The following RAB31 variants were observed in gnomAD, a reference collection of about 807,000 sequenced individuals.
The protein encoded by RAB31 is RAB31, member RAS oncogene family, also known as ras-related protein Rab-31.
Under a neutral mutation model 25.6 loss-of-function variants are expected in RAB31, and 21 were observed. The ratio of observed to expected loss-of-function variants is 0.82; its 90% CI spans 0.58 to 1.18. The LOEUF (loss-of-function observed/expected upper bound fraction) is 1.18. RAB31 is among the 50% of genes most tolerant of loss of function. The pLI is 0.00. For synonymous variants in RAB31, 87 were observed against 84.0 expected (o/e 1.04, Z -0.20); for missense variants, 196 against 250.1 (o/e 0.78, Z 1.46).
chr18:9,742,832 G>C (rs142011680), intron 1 of RAB31, among the ~76,000 whole-genome samples: 1 of 152,280 alleles, frequency 6.6e-6, no homozygotes, highest in African/African-American at 2.4e-5. Flanking sequence ...GAAAGCTCAC[G>C]GCAGCAAGTG....
At chr18:9,753,637 G>C (rs1368452695) in intron 1 of RAB31, among the ~76,000 whole-genome samples, 1 of 152,140 alleles carries the variant, frequency 6.6e-6, no homozygotes, top group African/African-American at 2.4e-5. Context: ...GGCCTCTCCT[G>C]GTCCAGTGTG....
rs561568947 is a variant in RAB31 at position 9,732,618 on chromosome 18, T to G, written c.39+24174T>G. 2.6e-5 allele frequency among the ~76,000 whole-genome samples: 4 copies of G among 152,320 alleles called. No individual in the cohort carries two copies. The South Asian group carries it at 8.3e-4, about 32-fold the overall frequency. On this transcript the variant is annotated intron_variant, in intron 1 of 6. Coordinates refer to ENST00000578921, the MANE Select transcript of RAB31 (RefSeq NM_006868.4). ...TCTCCAACCTCTCCCTAGTGCTTGG[T>G]GCTACTGCAAGGACTTCTTTTTCCT...
chr18:9,816,823 G>A (rs371955377), intron 5 of RAB31, among the ~76,000 whole-genome samples: 1 of 152,196 alleles, frequency 6.6e-6, no homozygotes, highest in African/African-American at 2.4e-5. Flanking sequence ...AGGAATTCTA[G>A]TCGTTGATTT....
chr18:9,806,982 C>G (rs1250811325), intron 3 of RAB31, among the ~76,000 whole-genome samples: 1 of 152,228 alleles, frequency 6.6e-6, no homozygotes, highest in Admixed American at 6.5e-5. Context: ...CAGGATCTCT[C>G]TGGTGGCTGT....
intron 5 of RAB31, among the ~76,000 whole-genome samples, chr18:9,843,319 C>T (rs1363027672): frequency 6.6e-6 from 1 of 151,988 alleles, no homozygotes. Flanking sequence ...CTGAGGCAGG[C>T]GGATTACTTG....
intron 3 of RAB31, among the ~76,000 whole-genome samples, chr18:9,810,671 T>A (rs2068565829): frequency 6.6e-6 from 1 of 152,242 alleles, no homozygotes; most frequent in South Asian, 2.1e-4. Flanking sequence ...GAGACCTCCA[T>A]GCCAGTGACC....
intron 5 of RAB31, among the ~76,000 whole-genome samples, chr18:9,844,317 A>T (rs1050438372): frequency 6.6e-5 from 10 of 152,114 alleles, no homozygotes; most frequent in African/African-American, 2.4e-4. Context: ...CATCCCCAGC[A>T]GTGCTGGGTG....
At chr18:9,773,030 C>G (rs994921061) in intron 1 of RAB31, among the ~76,000 whole-genome samples, 1 of 152,192 alleles carries the variant, frequency 6.6e-6, no homozygotes, top group Non-Finnish European at 1.5e-5. Flanking sequence ...GCCGTCACCT[C>G]TTTGAACTCT....
intron 1 of RAB31, among the ~76,000 whole-genome samples, chr18:9,736,920 G>GT (rs1443385321): frequency 2.0e-5 from 3 of 152,162 alleles, no homozygotes; most frequent in Non-Finnish European, 2.9e-5. Context: ...TTATTGGGTG[G>GT]TAGGGGCAAG....
intron 1 of RAB31, among the ~76,000 whole-genome samples, chr18:9,718,938 C>T (rs80075628): frequency 6.6e-6 from 1 of 151,968 alleles, no homozygotes; most frequent in Non-Finnish European, 1.5e-5. Flanking sequence ...TTGGGGATCA[C>T]AAATATTCAG....
intron 1 of RAB31, among the ~76,000 whole-genome samples, chr18:9,741,927 C>G (rs1263488968): frequency 6.6e-6 from 1 of 152,198 alleles, no homozygotes; most frequent in African/African-American, 2.4e-5. Flanking sequence ...CAGAGGGAGC[C>G]AGGAAATGTG....
chr18:9,857,074 G>C (rs2068819866), intron 6 of RAB31, among the ~76,000 whole-genome samples: 1 of 152,178 alleles, frequency 6.6e-6, no homozygotes, highest in Non-Finnish European at 1.5e-5. Flanking sequence ...GAAGTTTTTG[G>C]AGATGTCCTG....
At chr18:9,789,760 C>T (rs2068450939) in intron 2 of RAB31, among the ~76,000 whole-genome samples, 1 of 152,040 alleles carries the variant, frequency 6.6e-6, no homozygotes. Flanking sequence ...TAGGTCTCCC[C>T]GGTAGTCTGG....
chr18:9,826,331 G>A (rs1336466987), intron 5 of RAB31, among the ~76,000 whole-genome samples: 1 of 152,180 alleles, frequency 6.6e-6, no homozygotes, highest in East Asian at 1.9e-4. Context: ...AGCTGAGATC[G>A]CACCACTGCA....
intron 6 of RAB31, among the ~76,000 whole-genome samples, chr18:9,857,339 G>T (rs1270529327): frequency 2.0e-5 from 3 of 152,040 alleles, no homozygotes; most frequent in Non-Finnish European, 4.4e-5. Context: ...CCTCTGCTGG[G>T]GTGTTTTGGT....
chr18:9,809,949 C>T (rs549417104), intron 3 of RAB31, among the ~76,000 whole-genome samples: 2 of 152,204 alleles, frequency 1.3e-5, no homozygotes, highest in Admixed American at 6.5e-5. Context: ...GCTGAGCAGC[C>T]GGAGAAGCTC....
chr18:9,846,846 G>A (rs1474589899), intron 6 of RAB31, among the ~76,000 whole-genome samples: 2 of 152,222 alleles, frequency 1.3e-5, no homozygotes, highest in Admixed American at 1.3e-4. Flanking sequence ...CCTACACTAT[G>A]CAGAGATATG....
chr18:9,784,661 T>G lies in RAB31; in HGVS notation c.120-7493T>G, dbSNP rs563708625. ...TCTGACTCCTAGGCTCAAGTGATTC[T>G]CCTGCCTCAGTCCCCGACGTAGCTG... On this transcript the variant is annotated intron_variant, in intron 2 of 6. Transcript: ENST00000578921. 6.8e-4 allele frequency among the ~76,000 whole-genome samples: 104 copies of G among 151,924 alleles called. 1 individual carries two copies. The highest frequency in any genetic ancestry group is 2.3e-3 in the African/African-American group (96 of 41,398).
intron 2 of RAB31, among the ~76,000 whole-genome samples, chr18:9,778,035 G>A (rs2068382274): frequency 6.6e-6 from 1 of 152,078 alleles, no homozygotes; most frequent in Admixed American, 6.6e-5. Context: ...TTACAGGCGT[G>A]AGCCACTGCA....
Sources: gnomAD v4.1 joint callset for allele counts (sites outside exome capture counted in the v4.1 genomes callset) on GRCh38, gnomAD v4.1.1 for gene constraint, MANE v1.5 for transcripts, NCBI Gene and HGNC (gene_info 2026-07-23, HGNC 2026-07-21) for gene names.